The following TFCP2L1 variants were observed in gnomAD, a reference collection of about 807,000 sequenced individuals.
TFCP2L1 encodes transcription factor CP2-like protein 1.
Under a neutral mutation model 72.2 loss-of-function variants are expected in TFCP2L1, and 12 were observed. The ratio of observed to expected loss-of-function variants is 0.17; its 90% CI spans 0.11 to 0.27. The LOEUF (loss-of-function observed/expected upper bound fraction) is 0.27. Ranked by LOEUF, TFCP2L1 falls within the 10% of genes least tolerant of loss-of-function variation. The pLI, the probability that TFCP2L1 is intolerant of heterozygous loss-of-function variation, is 1.00. For synonymous variants in TFCP2L1, 260 were observed against 251.0 expected (o/e 1.04, Z -0.34); for missense variants, 488 against 624.6 (o/e 0.78, Z 2.33).
chr2:121,244,715 G>A (rs1311809567), intron 6 of TFCP2L1, among the ~76,000 whole-genome samples: 4 of 152,184 alleles, frequency 2.6e-5, no homozygotes, highest in African/African-American at 9.7e-5. Flanking sequence ...CTCCCCCAGG[G>A]CACACACCTT....
At chr2:121,236,713 GCCACT>G (rs1039910551) in intron 10 of TFCP2L1, among the ~76,000 whole-genome samples, 6 of 152,030 alleles carry the variant, frequency 3.9e-5, no homozygotes, top group African/African-American at 1.4e-4. Flanking sequence ...TCCTCCCCGG[GCCACT>G]CCACTCCACT....
At chr2:121,240,979 G>T (rs1686354977) in intron 7 of TFCP2L1, among the ~76,000 whole-genome samples, 1 of 152,162 alleles carries the variant, frequency 6.6e-6, no homozygotes, top group South Asian at 2.1e-4. Context: ...CGTCAGCCAA[G>T]ACCGGGCCAC....
chr2:121,239,842 G>C (rs192526559), intron 7 of TFCP2L1, among the ~76,000 whole-genome samples, 193 bp from the exon 8 acceptor site: 2 of 152,328 alleles, frequency 1.3e-5, no homozygotes, highest in African/African-American at 4.8e-5. Flanking sequence ...GAAACCAGCA[G>C]AAATGTTCAG....
intron 2 of TFCP2L1, among the ~76,000 whole-genome samples, chr2:121,262,815 A>G (rs1044768413): frequency 3.3e-5 from 5 of 152,174 alleles, no homozygotes; most frequent in Non-Finnish European, 5.9e-5. Flanking sequence ...CACAAAATAC[A>G]CTGGGTCTCC....
At chr2:121,228,772 CAAAAAAA>C (rs59300568) in intron 13 of TFCP2L1, among the ~76,000 whole-genome samples, 2 of 58,180 alleles carry the variant, frequency 3.4e-5, no homozygotes, top group East Asian at 1.3e-3. Flanking sequence ...CCGTGACTCA[CAAAAAAA>C]AAAAAAAAAA....
chr2:121,249,756 C>T, intron 2 of TFCP2L1, 109 bp from the exon 3 acceptor site: 1 of 1,089,686 alleles, frequency 9.2e-7, no homozygotes, highest in South Asian at 1.3e-5. Context: ...GGCCTCAAGG[C>T]CCTGGGGAGC....
intron 7 of TFCP2L1, chr2:121,240,803 T>G: frequency 2.2e-6 from 2 of 928,062 alleles, no homozygotes; most frequent in Non-Finnish European, 2.6e-6. Flanking sequence ...ATAAATGCAG[T>G]GCTTGCATCC....
intron 2 of TFCP2L1, among the ~76,000 whole-genome samples, chr2:121,265,763 C>T (rs901867134): frequency 2.0e-5 from 3 of 152,044 alleles, no homozygotes; most frequent in Non-Finnish European, 4.4e-5. Flanking sequence ...GGATTACAGG[C>T]GTGAGCCACC....
chr2:121,226,842 T>C (rs558532989), intron 13 of TFCP2L1, among the ~76,000 whole-genome samples: 2 of 152,352 alleles, frequency 1.3e-5, no homozygotes, highest in Admixed American at 6.5e-5. Context: ...CCAGTAAGAA[T>C]GACCATGCAT....
chr2:121,231,470 G>C (rs1230588638), intron 13 of TFCP2L1, among the ~76,000 whole-genome samples: 1 of 152,192 alleles, frequency 6.6e-6, no homozygotes, highest in Non-Finnish European at 1.5e-5. Context: ...ACCTGCCCCG[G>C]AGTCCACTTC....
chr2:121,278,130 G>A (rs1384607486), intron 2 of TFCP2L1, among the ~76,000 whole-genome samples: 19 of 147,350 alleles, frequency 1.3e-4, no homozygotes, highest in Non-Finnish European at 6.0e-5. Context: ...TCCGCTTCCC[G>A]GGTTCACGCC....
intron 1 of TFCP2L1, 26 bp downstream of exon 1, chr2:121,285,022 C>T: frequency 1.4e-6 from 2 of 1,470,278 alleles, no homozygotes; most frequent in Non-Finnish European, 9.0e-7. Flanking sequence ...GGCCCGAGAC[C>T]CGCGGGGACC....
rs1440656108 is a variant in TFCP2L1, at chr2:121,285,173, G to A, written c.-64C>T. 10 of 1,355,374 alleles carry A rather than the reference G, an allele frequency of 7.4e-6. No homozygotes were observed. Among genetic ancestry groups the A allele is most frequent in the South Asian group, 5.4e-5 (3 of 55,236 alleles). 84.0% of individuals were successfully genotyped at this position (1,355,374 alleles called of 1,614,324 possible). A position where few individuals can be genotyped will look rare whatever the true frequency, so the allele number is the denominator to read the frequency against. On this transcript the variant is annotated 5_prime_UTR_variant, in exon 1 of 15. Coordinates refer to ENST00000263707, the MANE Select transcript of TFCP2L1 (RefSeq NM_014553.3). Reference sequence around the variant, plus strand: ...AAGCGCAGACGCGGGGCGCGCCGAGGACCCAGCGGCGGCTTCGCGCTCCGA... The same window carrying A: ...AAGCGCAGACGCGGGGCGCGCCGAGAACCCAGCGGCGGCTTCGCGCTCCGA...
rs1685935855 is a variant in TFCP2L1 at position 121,221,915 on chromosome 2, A to C, written c.*2426T>G. The C allele has an allele frequency of 6.6e-6, 1 of 152,000 alleles. No individual in the cohort carries two copies. The highest frequency in any genetic ancestry group is 1.5e-5 in the Non-Finnish European group (1 of 68,032). The allele number at this position is 152,000 out of a possible 1,614,324, so 9.4% of individuals were successfully genotyped here. A position where few individuals can be genotyped will look rare whatever the true frequency, so the allele number is the denominator to read the frequency against. On this transcript the variant is annotated 3_prime_UTR_variant, in exon 15 of 15. Transcript: ENST00000263707. ...CTCACCCAACTCAATAATAAAAAGA[A>C]GGCTCATCCCTGGTAGTCTAGTGGT...
At chr2:121,258,946 A>G (rs1686780067) in intron 2 of TFCP2L1, among the ~76,000 whole-genome samples, 3 of 152,184 alleles carry the variant, frequency 2.0e-5, no homozygotes, top group African/African-American at 7.2e-5. Flanking sequence ...CTAAAGTATG[A>G]CTAAGAGATC....
At chr2:121,225,124 G>A (rs1685999843) in intron 14 of TFCP2L1, among the ~76,000 whole-genome samples, 1 of 152,140 alleles carries the variant, frequency 6.6e-6, no homozygotes, top group Middle Eastern at 3.2e-3. Context: ...CCCTTAGGAA[G>A]GCCACAGCAG....
intron 13 of TFCP2L1, among the ~76,000 whole-genome samples, chr2:121,230,480 A>G (rs1251448579): frequency 6.6e-6 from 1 of 150,608 alleles, no homozygotes; most frequent in Non-Finnish European, 1.5e-5. Flanking sequence ...CCACAGCTCT[A>G]TGTTTAAAGG....
intron 10 of TFCP2L1, among the ~76,000 whole-genome samples, chr2:121,236,691 C>CT (rs1343064028): frequency 1.3e-5 from 2 of 150,520 alleles, no homozygotes; most frequent in African/African-American, 5.0e-5. Context: ...CCCTTGGTGC[C>CT]TCTCTGACCT....
rs545834439 is a variant in TFCP2L1 at position 121,260,899 on chromosome 2, C to T, written c.215-11252G>A. Among the ~76,000 whole-genome samples, 4 of 152,364 alleles carry T rather than the reference C, an allele frequency of 2.6e-5. No homozygotes were observed. In the South Asian group the frequency reaches 6.2e-4, roughly 24 times the overall value. ...CTAGCCAAGATTTACAGGTTGTTTA[C>T]TTTCCTACAGTTACTGGTTTGGGTA... is the stretch of plus-strand genomic sequence containing the variant. On this transcript the variant is annotated intron_variant, in intron 2 of 14. Coordinates refer to ENST00000263707, the MANE Select transcript of TFCP2L1 (RefSeq NM_014553.3).
Sources: gnomAD v4.1 joint callset for allele counts (sites outside exome capture counted in the v4.1 genomes callset) on GRCh38, gnomAD v4.1.1 for gene constraint, MANE v1.5 for transcripts, NCBI Gene and HGNC (gene_info 2026-07-23, HGNC 2026-07-21) for gene names.